Variants in CNTNAP2 observed in about 807,000 individuals in gnomAD.
CNTNAP2 encodes contactin-associated protein-like 2.
In CNTNAP2, 98 loss-of-function variants were observed where a neutral mutation model predicts 155.2. That is an observed-to-expected ratio of 0.63 (90% CI 0.54 to 0.75). The LOEUF is 0.75. CNTNAP2 is among the 30% of genes least tolerant of loss of function. The probability of loss-of-function intolerance (pLI) is 0.00; values close to 1 mark genes in which losing one functional copy is unlikely to be tolerated. For missense variants in CNTNAP2, 1,727 were observed against 1,688.1 expected, an observed-to-expected ratio of 1.02 and a Z score of -0.40; for synonymous variants, 651 against 631.2, an observed-to-expected ratio of 1.03 and a Z score of -0.47.
At chr7:147,377,953 T>A in intron 9 of CNTNAP2, 1 of 452,956 alleles carries the variant, frequency 2.2e-6, no homozygotes, top group Admixed American at 2.6e-5. Context: ...TTTTAAATGT[T>A]CTGGAAAATT....
At chr7:147,082,416 T>C (rs1192485914) in intron 4 of CNTNAP2, 2 of 152,162 alleles carry the variant, frequency 1.3e-5, no homozygotes, top group African/African-American at 4.8e-5. Context: ...CATAACTCAT[T>C]AACCAGAACT....
At chr7:147,795,459 T>C (rs1312437523) in intron 13 of CNTNAP2, among the ~76,000 whole-genome samples, 1 of 152,148 alleles carries the variant, frequency 6.6e-6, no homozygotes, top group African/African-American at 2.4e-5. Flanking sequence ...AAATATTTTC[T>C]CCTGTTTGTC....
chr7:146,661,481 T>C (rs1329923871), intron 1 of CNTNAP2, among the ~76,000 whole-genome samples: 1 of 152,172 alleles, frequency 6.6e-6, no homozygotes, highest in East Asian at 1.9e-4. Flanking sequence ...GCTTTCTGTC[T>C]CTGTAGTTGG....
intron 11 of CNTNAP2, among the ~76,000 whole-genome samples, chr7:147,505,864 A>G (rs912192409): frequency 6.6e-6 from 1 of 152,166 alleles, no homozygotes; most frequent in African/African-American, 2.4e-5. Flanking sequence ...TAACAAATGG[A>G]TCTTTTCCAG....
chr7:147,680,069 C>T (rs1795924903), intron 13 of CNTNAP2, among the ~76,000 whole-genome samples: 1 of 151,694 alleles, frequency 6.6e-6, no homozygotes, highest in Admixed American at 6.6e-5. Flanking sequence ...CTCAAATTAC[C>T]ATTTCAGCTC....
chr7:147,378,276 T>C (rs1345672898), intron 9 of CNTNAP2, among the ~76,000 whole-genome samples: 2 of 152,008 alleles, frequency 1.3e-5, no homozygotes, highest in Non-Finnish European at 2.9e-5. Context: ...AGAGGTTTTT[T>C]TCTTTAAAAA....
chr7:147,401,696 A>C (rs1563190605), intron 10 of CNTNAP2, among the ~76,000 whole-genome samples: 1 of 152,114 alleles, frequency 6.6e-6, no homozygotes, highest in Admixed American at 6.5e-5. Flanking sequence ...TTTCCCCCTT[A>C]CCGTTCTCAT....
chr7:147,422,163 A>T (rs1308876204), intron 10 of CNTNAP2, among the ~76,000 whole-genome samples: 1 of 147,812 alleles, frequency 6.8e-6, no homozygotes, highest in East Asian at 1.9e-4. Flanking sequence ...TATATACAGT[A>T]TATATATAGT....
chr7:147,980,854 C>G (rs1480720162), intron 15 of CNTNAP2, among the ~76,000 whole-genome samples: 1 of 144,450 alleles, frequency 6.9e-6, no homozygotes, highest in African/African-American at 2.6e-5. Context: ...TGGTGTGAAC[C>G]TGGGAGGCGG....
At chr7:147,317,044 C>T (rs1020768557) in intron 9 of CNTNAP2, among the ~76,000 whole-genome samples, 2 of 152,158 alleles carry the variant, frequency 1.3e-5, no homozygotes, top group Non-Finnish European at 2.9e-5. Flanking sequence ...TATCTTAATG[C>T]AACAAATCCA....
At chr7:146,442,370 G>T (rs1796331996) in intron 1 of CNTNAP2, among the ~76,000 whole-genome samples, 1 of 147,236 alleles carries the variant, frequency 6.8e-6, no homozygotes, top group Non-Finnish European at 1.5e-5. Context: ...AATGTTATGT[G>T]TGTTAGTGGT....
intron 1 of CNTNAP2, among the ~76,000 whole-genome samples, chr7:146,474,824 G>C (rs1185774566): frequency 6.6e-6 from 1 of 152,166 alleles, no homozygotes; most frequent in East Asian, 1.9e-4. Context: ...CCAGGTAGAA[G>C]TGTATTGCTC....
intron 1 of CNTNAP2, among the ~76,000 whole-genome samples, chr7:146,216,783 T>A (rs1366684246): frequency 1.3e-5 from 2 of 152,230 alleles, no homozygotes; most frequent in African/African-American, 4.8e-5. Context: ...AAAATAGCAG[T>A]TCTATTAAAG....
chr7:148,125,382 T>C (rs1216506474), intron 16 of CNTNAP2, among the ~76,000 whole-genome samples: 5 of 152,106 alleles, frequency 3.3e-5, no homozygotes, highest in Admixed American at 2.6e-4. Flanking sequence ...TAGTACCTGA[T>C]AGGTAGTTTT....
At chr7:146,253,912 A>G (rs577626096) in intron 1 of CNTNAP2, among the ~76,000 whole-genome samples, 76 of 150,510 alleles carry the variant, frequency 5.0e-4, no homozygotes, top group Non-Finnish European at 5.9e-5. Context: ...AAAATTAAAA[A>G]TTAGCTCCAT....
At chr7:148,280,220 A>C (rs1796947667) in intron 21 of CNTNAP2, among the ~76,000 whole-genome samples, 1 of 152,160 alleles carries the variant, frequency 6.6e-6, no homozygotes, top group African/African-American at 2.4e-5. Flanking sequence ...AGGCAGGAGA[A>C]TTGCTTGAGC....
At chr7:148,413,446 A>ATATATATT (rs1799900831) in intron 23 of CNTNAP2, among the ~76,000 whole-genome samples, 4 of 108,144 alleles carry the variant, frequency 3.7e-5, no homozygotes, top group African/African-American at 1.1e-4. Flanking sequence ...ATATATATAT[A>ATATATATT]TTGCTCCATA....
intron 3 of CNTNAP2, among the ~76,000 whole-genome samples, chr7:146,939,336 A>G (rs939054841): frequency 6.6e-6 from 1 of 152,192 alleles, no homozygotes; most frequent in African/African-American, 2.4e-5. Flanking sequence ...GTCCACATCT[A>G]TAACTAGCAA....
intron 11 of CNTNAP2, among the ~76,000 whole-genome samples, chr7:147,533,830 G>GC (rs1348330004): frequency 6.6e-6 from 1 of 152,144 alleles, no homozygotes; most frequent in African/African-American, 2.4e-5. Context: ...AGTTGTACTA[G>GC]CAACAGTTAA....
Sources: gnomAD v4.1 joint callset for allele counts (sites outside exome capture counted in the v4.1 genomes callset) on GRCh38, gnomAD v4.1.1 for gene constraint, MANE v1.5 for transcripts, NCBI Gene and HGNC (gene_info 2026-07-23, HGNC 2026-07-21) for gene names.